Variants in THAP4 observed in about 807,000 individuals in gnomAD.
THAP4 encodes the protein peroxynitrite isomerase THAP4.
In THAP4, 18 loss-of-function variants were observed where a neutral mutation model predicts 48.1. The ratio of observed to expected loss-of-function variants is 0.37; its 90% CI spans 0.26 to 0.56. THAP4 has a LOEUF of 0.56. THAP4 is among the 20% of genes least tolerant of loss of function. The pLI, the probability that THAP4 is intolerant of heterozygous loss-of-function variation, is 0.78. For synonymous variants in THAP4, 345 were observed against 324.9 expected (o/e 1.06, Z -0.66); for missense variants, 656 against 774.9 (o/e 0.85, Z 1.82).
intron 5 of THAP4, among the ~76,000 whole-genome samples, chr2:241,597,737 A>G (rs1162389309): frequency 1.3e-5 from 2 of 152,028 alleles, no homozygotes; most frequent in African/African-American, 2.4e-5. Flanking sequence ...TGTCAACCCA[A>G]TGGGGAGGCC....
chr2:241,633,390 A>G lies in THAP4; in HGVS notation c.767T>C (p.Ile256Thr), dbSNP rs368981895. ...ATCTTTCTTCAGCCTCTTGCGGTCA[A>G]TGGGCTCTCGGGGGACAGATGGCCT... The part of the protein sequence containing the change: ...RERPSVPREP[I>T]DRKRLKKDVE... Residue 256 changes from isoleucine (I) to threonine (T), a missense_variant, in exon 2 of 6, where the codon ATT becomes ACT. This residue lies in a region of THAP4 where 391 missense variants were observed against 412.4 expected (regional missense o/e 0.95). Transcript: ENST00000407315. This position sits in a 1 kb window ranked among gnomAD's most constrained non-coding sequence, Gnocchi z 7.5. 1.2e-6 allele frequency: 2 copies of G among 1,612,906 alleles called. No homozygotes were observed. The highest frequency in any genetic ancestry group is 2.2e-5 in the East Asian group (1 of 44,812).
rs1238016438 is a variant in THAP4 at position 241,610,143 on chromosome 2, G to C, written c.1241-3670C>G. ...GCCCCCCAGGGTCCCAGTGGAACAG[G>C]GGCACCAGGGCCGCGGCGCCGGGCA... is the stretch of plus-strand genomic sequence containing the variant. On this transcript the variant is annotated intron_variant, in intron 2 of 5. Coordinates refer to ENST00000407315, the MANE Select transcript of THAP4 (RefSeq NM_015963.6). This position sits in a 1 kb window ranked among gnomAD's most constrained non-coding sequence, Gnocchi z 4.2. 6.6e-6 allele frequency among the ~76,000 whole-genome samples: 1 copy of C among 152,198 alleles called. No individual in the cohort carries two copies. Among genetic ancestry groups the C allele is most frequent in the African/African-American group, 2.4e-5 (1 of 41,454 alleles).
intron 5 of THAP4, among the ~76,000 whole-genome samples, chr2:241,589,887 A>G (rs571778870): frequency 1.3e-5 from 2 of 152,274 alleles, no homozygotes; most frequent in African/African-American, 4.8e-5. Context: ...CTGAATCTTG[A>G]GAGCGTTTCA....
chr2:241,621,833 C>T (rs1345217843), intron 2 of THAP4, among the ~76,000 whole-genome samples: 1 of 151,924 alleles, frequency 6.6e-6, no homozygotes, highest in African/African-American at 2.4e-5. Context: ...GCATGTCATA[C>T]TCAAACTGCA....
chr2:241,637,504 A>G (rs908904053), upstream of THAP4: 28 of 1,438,166 alleles, frequency 1.9e-5, no homozygotes, highest in Non-Finnish European at 2.3e-5. Context: ...CCACGACACG[A>G]CCCCATGCCG....
intron 2 of THAP4, among the ~76,000 whole-genome samples, chr2:241,621,321 C>T: frequency 6.6e-6 from 1 of 152,194 alleles, no homozygotes; most frequent in East Asian, 1.9e-4. Flanking sequence ...GCACTCCAGC[C>T]TGGGCAACAG....
intron 5 of THAP4, among the ~76,000 whole-genome samples, chr2:241,595,872 CG>C (rs2067040567): frequency 6.6e-6 from 1 of 152,180 alleles, no homozygotes; most frequent in Non-Finnish European, 1.5e-5. Context: ...AGACCAGCCC[CG>C]GAACGACCCT....
upstream of THAP4, chr2:241,637,174 C>A (rs1406226160): frequency 1.0e-6 from 1 of 978,466 alleles, no homozygotes; most frequent in South Asian, 4.7e-5. Context: ...CGCAGGCGCC[C>A]GCAGCGGGCC....
rs1326801653 is a variant in THAP4 at position 241,616,643 on chromosome 2, A to G, written c.1241-10170T>C. On this transcript the variant is annotated intron_variant, in intron 2 of 5. Transcript: ENST00000407315. The surrounding 1 kb of genome is among the most constrained non-coding windows in gnomAD (Gnocchi z 4.6). ...GGACAGGACGCAGCACTTATGTGGC[A>G]ATTTCTTTTTAAAAAACTAGAGAAT... is the stretch of plus-strand genomic sequence containing the variant. Among the ~76,000 whole-genome samples, 1 of 152,192 alleles carries G rather than the reference A, an allele frequency of 6.6e-6. No individual in the cohort carries two copies. The highest frequency in any genetic ancestry group is 1.5e-5 in the Non-Finnish European group (1 of 68,036).
intron 2 of THAP4, among the ~76,000 whole-genome samples, chr2:241,626,493 CA>C (rs1405861119): frequency 1.3e-5 from 2 of 151,366 alleles, no homozygotes; most frequent in East Asian, 3.9e-4. Flanking sequence ...CAAAAAACAA[CA>C]ACAAAGTACT....
intron 2 of THAP4, among the ~76,000 whole-genome samples, chr2:241,624,118 T>G (rs1158480684): frequency 2.0e-5 from 3 of 152,222 alleles, no homozygotes; most frequent in Admixed American, 1.3e-4. Flanking sequence ...CTGGGTTTGA[T>G]AATCTGCTAG....
At chr2:241,619,930 G>A (rs2067399423) in intron 2 of THAP4, among the ~76,000 whole-genome samples, 1 of 107,716 alleles carries the variant, frequency 9.3e-6, no homozygotes, top group African/African-American at 3.7e-5. Flanking sequence ...GTGAGTGAGG[G>A]GTGAGGGGTG....
At chr2:241,620,109 G>C (rs1358167940) in intron 2 of THAP4, among the ~76,000 whole-genome samples, 1 of 106,512 alleles carries the variant, frequency 9.4e-6, no homozygotes, top group Non-Finnish European at 1.9e-5. Flanking sequence ...GGTGAGTGAG[G>C]GGTGAGGGGT....
chr2:241,633,882 C>T lies in THAP4; in HGVS notation c.275G>A (p.Arg92Lys). Residue 92 changes from arginine to lysine, a missense_variant, in exon 2 of 6, where the codon AGG becomes AAG. Arg to Lys is a conservative substitution (Grantham distance 26). Around this residue, in one of 4 missense-constraint regions of THAP4, gnomAD observed 391 missense variants for 412.4 expected, o/e 0.95. Coordinates refer to ENST00000407315, the MANE Select transcript of THAP4 (RefSeq NM_015963.6). This position sits in a 1 kb window ranked among gnomAD's most constrained non-coding sequence, Gnocchi z 7.5. ...GGTGCGGCCATGGCCTCCAGCCCCCCTCTTCTTCTCGGTCAGGTGGAAGAT... is the reference window on the plus strand; with the variant it reads ...GGTGCGGCCATGGCCTCCAGCCCCCTTCTTCTTCTCGGTCAGGTGGAAGAT... ...PSIFHLTEKK[R>K]GAGGHGRTRR... 1 of 1,614,000 alleles carries T rather than the reference C, an allele frequency of 6.2e-7. No homozygotes were observed. Among genetic ancestry groups the T allele is most frequent in the Non-Finnish European group, 8.5e-7 (1 of 1,179,936 alleles).
In THAP4 at chr2:241,606,364, G is replaced by A. The variant is rs1042584030; in HGVS notation, c.1350C>T (p.Tyr450=). The change falls in exon 3 of 6, where the codon TAC becomes TAT. Residue 450 remains tyrosine (Y), a synonymous_variant. Transcript: ENST00000407315. ...CGTGGGAGATGTGAACCTCCTCCAGGTACTGGAAGGGCTGCAGTGTGGGGT... is the reference window on the plus strand; with the variant it reads ...CGTGGGAGATGTGAACCTCCTCCAGATACTGGAAGGGCTGCAGTGTGGGGT... ...GTYPTLQPFQ[Y]LEEVHISHVG... The A allele has an allele frequency of 6.3e-7, 1 of 1,580,508 alleles. No homozygotes were observed. The highest frequency in any genetic ancestry group is 8.6e-7 in the Non-Finnish European group (1 of 1,163,260).
Position 241,625,797 on chromosome 2 carries a change from C to CAAA in THAP4, c.1240+7117_1240+7119dup, listed in dbSNP as rs147602587. 5.6e-4 allele frequency among the ~76,000 whole-genome samples: 28 copies of CAAA among 50,168 alleles called. 1 individual carries two copies. The highest frequency in any genetic ancestry group is 6.5e-4 in the African/African-American group (7 of 10,706). The allele number at this position is 50,168 out of a possible 152,430, so 32.9% of individuals were successfully genotyped here. A position where few individuals can be genotyped will look rare whatever the true frequency, so the allele number is the denominator to read the frequency against. On this transcript the variant is annotated intron_variant, in intron 2 of 5. Transcript: ENST00000407315. ...TGGGCAACAGAGCAAGACTCCGTCT[C>CAAA]AAAAAAAAAAAAAAAAAAAAAAAAA...
chr2:241,593,051 T>C (rs967069634), intron 5 of THAP4, among the ~76,000 whole-genome samples: 3 of 152,136 alleles, frequency 2.0e-5, no homozygotes, highest in African/African-American at 7.2e-5. Flanking sequence ...GAGACCAGCC[T>C]GAGCAACAAA....
chr2:241,628,906 C>T (rs1398483219), intron 2 of THAP4, among the ~76,000 whole-genome samples: 12 of 125,006 alleles, frequency 9.6e-5, no homozygotes. Context: ...TGCCACTGCA[C>T]TCCAGTCTGA....
rs763844975 is a variant in THAP4, at chr2:241,633,893, G to A, written c.264C>T (p.Thr88=). The change falls in exon 2 of 6, where the codon ACC becomes ACT. Residue 88 remains threonine (T), a synonymous_variant. Transcript: ENST00000407315. This position sits in a 1 kb window ranked among gnomAD's most constrained non-coding sequence, Gnocchi z 7.5. ...PTAVPSIFHL[T]EKKRGAGGHG... ...GGCCTCCAGCCCCCCTCTTCTTCTC[G>A]GTCAGGTGGAAGATGGATGGCACGG... 15 of 1,613,850 alleles carry A rather than the reference G, an allele frequency of 9.3e-6. No individual in the cohort carries two copies. The highest frequency in any genetic ancestry group is 3.3e-5 in the South Asian group (3 of 91,070).
Sources: allele counts gnomAD v4.1 joint callset (sites outside exome capture counted in the v4.1 genomes callset), GRCh38; gene constraint gnomAD v4.1.1; regional missense constraint gnomAD v4.1.1; non-coding constraint Gnocchi (gnomAD v3.1); transcripts MANE v1.5; gene names NCBI Gene and HGNC (gene_info 2026-07-23, HGNC 2026-07-21).